MAL2: variants seen among roughly 807,000 people sequenced by gnomAD.
MAL2 encodes protein MAL2.
MAL2 carries 17 observed loss-of-function variants against 18.1 expected under a neutral mutation model. The ratio of observed to expected loss-of-function variants is 0.94; its 90% CI spans 0.64 to 1.41. The LOEUF (loss-of-function observed/expected upper bound fraction) is 1.41, where lower values mean the gene tolerates loss of function less well. Among genes scored for constraint, MAL2 ranks in the 40% most tolerant of loss-of-function variants. MAL2 has a pLI of 0.00. For missense variants in MAL2, 222 were observed against 231.9 expected (o/e 0.96, Z 0.28); for synonymous variants, 102 against 102.3 (o/e 1.00, Z 0.02).
intron 1 of MAL2, 80 bp from the exon 2 acceptor site, chr8:119,221,507 A>G: frequency 6.5e-7 from 1 of 1,531,710 alleles, no homozygotes; most frequent in Non-Finnish European, 8.9e-7. Context: ...GGCAATGCTG[A>G]GGGTAATACA....
chr8:119,222,642 A>T (rs1037087344), intron 2 of MAL2, among the ~76,000 whole-genome samples: 8 of 152,072 alleles, frequency 5.3e-5, no homozygotes, highest in Non-Finnish European at 7.4e-5. Flanking sequence ...AGCCTGGGAA[A>T]CATGGTGTAA....
rs147664776 is a variant in MAL2 at position 119,240,466 on chromosome 8, C to T, written c.459+146C>T. ...TAATAGCTATTTATCTGTACAATAA[C>T]CTTGTAAGCAAAGTGCCATGATCAC... On this transcript the variant is annotated intron_variant, in intron 3 of 3. Transcript: ENST00000614891. The T allele has an allele frequency of 4.2e-4, 359 of 847,906 alleles. No individual in the cohort carries two copies. In the East Asian group the frequency reaches 9.3e-3, roughly 22 times the overall value. The allele number at this position is 847,906 out of a possible 1,614,324, so 52.5% of individuals were successfully genotyped here. A position where few individuals can be genotyped will look rare whatever the true frequency, so the allele number is the denominator to read the frequency against.
intron 2 of MAL2, among the ~76,000 whole-genome samples, chr8:119,225,582 G>T (rs566600884): frequency 9.4e-4 from 143 of 152,124 alleles, no homozygotes; most frequent in Non-Finnish European, 1.7e-3. Context: ...ATAAACATAC[G>T]TGTGCATGTG....
intron 1 of MAL2, among the ~76,000 whole-genome samples, chr8:119,215,979 A>G (rs1366077171): frequency 6.6e-6 from 1 of 152,178 alleles, no homozygotes; most frequent in Non-Finnish European, 1.5e-5. Context: ...TGTATGTAAA[A>G]TATAGCTAAT....
At chr8:119,240,386 A>G in intron 3 of MAL2, 66 bp downstream of exon 3, 1 of 1,526,080 alleles carries the variant, frequency 6.6e-7, no homozygotes, top group Non-Finnish European at 9.0e-7. Flanking sequence ...GGCCTCCAAG[A>G]AACTCCTCAG....
At position 119,208,932 on chromosome 8, in the gene MAL2, C is replaced by A. The variant is rs982737623; in HGVS notation, c.132+328C>A. On this transcript the variant is annotated intron_variant, in intron 1 of 3. Coordinates refer to ENST00000614891, the MANE Select transcript of MAL2 (RefSeq NM_052886.3). This position sits in a 1 kb window ranked among gnomAD's most constrained non-coding sequence, Gnocchi z 4.3. ...CAGAGGCGCCTTTAGAAACCCAGGG[C>A]ATGGCCAGGGGCCGCGCTTGGCCGG... 1 of 192,398 alleles carries A rather than the reference C, an allele frequency of 5.2e-6. No homozygotes were observed. The highest frequency in any genetic ancestry group is 2.3e-5 in the African/African-American group (1 of 42,936). 11.9% of individuals were successfully genotyped at this position (192,398 alleles called of 1,614,324 possible).
At chr8:119,240,587 G>T (rs1185228934) in intron 3 of MAL2, among the ~76,000 whole-genome samples, 1 of 152,208 alleles carries the variant, frequency 6.6e-6, no homozygotes, top group African/African-American at 2.4e-5. Flanking sequence ...TTGCACAGCA[G>T]TGTCTACTTT....
intron 2 of MAL2, among the ~76,000 whole-genome samples, chr8:119,228,288 CCT>C (rs1359696206): frequency 6.6e-6 from 1 of 152,110 alleles, no homozygotes; most frequent in Non-Finnish European, 1.5e-5. Context: ...ATTGCTGTAT[CCT>C]CTGTCCTTGT....
chr8:119,210,420 A>G (rs1239032050), intron 1 of MAL2, among the ~76,000 whole-genome samples: 1 of 151,658 alleles, frequency 6.6e-6, no homozygotes, highest in Non-Finnish European at 1.5e-5. Context: ...CCTCCCCATT[A>G]TATCTTTTTT....
intron 1 of MAL2, among the ~76,000 whole-genome samples, chr8:119,209,508 C>T (rs1817238460): frequency 6.6e-6 from 1 of 152,180 alleles, no homozygotes; most frequent in South Asian, 2.1e-4. Flanking sequence ...ATTGGGCAAC[C>T]TGAGGTTGCA....
intron 2 of MAL2, among the ~76,000 whole-genome samples, chr8:119,227,189 A>G (rs1355987260): frequency 1.3e-5 from 2 of 152,244 alleles, no homozygotes; most frequent in African/African-American, 2.4e-5. Context: ...TTATGTTAGT[A>G]GCCAAAAAGG....
At chr8:119,230,770 T>G (rs534364382) in intron 2 of MAL2, among the ~76,000 whole-genome samples, 1 of 152,332 alleles carries the variant, frequency 6.6e-6, no homozygotes, top group South Asian at 2.1e-4. Flanking sequence ...ATCATTTCAT[T>G]TAGCCATTAA....
chr8:119,228,228 A>AGAGTCCAAAGTGGC (rs1817637291), intron 2 of MAL2, among the ~76,000 whole-genome samples: 1 of 152,162 alleles, frequency 6.6e-6, no homozygotes. Flanking sequence ...CCTGGACAAA[A>AGAGTCCAAAGTGGC]GAGTCCAAAG....
intron 2 of MAL2, among the ~76,000 whole-genome samples, chr8:119,231,312 G>C (rs536087429): frequency 6.6e-6 from 1 of 152,298 alleles, no homozygotes; most frequent in African/African-American, 2.4e-5. Flanking sequence ...GATTACAGGC[G>C]TGAGCCACTG....
At chr8:119,236,352 T>C (rs1817892584) in intron 2 of MAL2, among the ~76,000 whole-genome samples, 1 of 148,124 alleles carries the variant, frequency 6.8e-6, no homozygotes, top group Non-Finnish European at 1.5e-5. Context: ...ATGGGAGACT[T>C]TAACACCCCA....
intron 2 of MAL2, among the ~76,000 whole-genome samples, chr8:119,224,745 C>T (rs924600073): frequency 6.6e-6 from 1 of 152,118 alleles, no homozygotes; most frequent in African/African-American, 2.4e-5. Context: ...CTCTGTATGC[C>T]TTTGCATGCC....
At chr8:119,223,943 T>G (rs1171580599) in intron 2 of MAL2, 2 of 152,204 alleles carry the variant, frequency 1.3e-5, no homozygotes, top group Non-Finnish European at 2.9e-5. Context: ...TAACAATTTT[T>G]AATTGTTGCA....
At chr8:119,239,697 A>T (rs1818004105) in intron 2 of MAL2, among the ~76,000 whole-genome samples, 1 of 151,574 alleles carries the variant, frequency 6.6e-6, no homozygotes, top group Non-Finnish European at 1.5e-5. Context: ...ACATATTCTC[A>T]CTCATAGGTG....
chr8:119,230,632 T>TA (rs1817700457), intron 2 of MAL2, among the ~76,000 whole-genome samples: 1 of 152,208 alleles, frequency 6.6e-6, no homozygotes, highest in Non-Finnish European at 1.5e-5. Context: ...CACGAAGAGT[T>TA]GCAGGTCCTG....
Sources: allele counts gnomAD v4.1 joint callset (sites outside exome capture counted in the v4.1 genomes callset), GRCh38; gene constraint gnomAD v4.1.1; non-coding constraint Gnocchi (gnomAD v3.1); transcripts MANE v1.5; gene names NCBI Gene and HGNC (gene_info 2026-07-23, HGNC 2026-07-21).